The following CLCF1 variants were observed in gnomAD, a reference collection of about 807,000 sequenced individuals.
CLCF1 encodes the protein cardiotrophin-like cytokine factor 1.
CLCF1 carries 10 observed loss-of-function variants against 21.2 expected under a neutral mutation model. The observed-to-expected ratio is 0.47, with a 90% CI of 0.29 to 0.80. CLCF1 has a LOEUF of 0.80. Ranked by LOEUF, CLCF1 falls within the 30% of genes least tolerant of loss-of-function variation. CLCF1 has a pLI of 0.09. For missense variants in CLCF1, 240 were observed against 293.4 expected, an observed-to-expected ratio of 0.82 and a Z score of 1.33; for synonymous variants, 115 against 120.5, an observed-to-expected ratio of 0.95 and a Z score of 0.30.
chr11:67,366,869 C>T (rs1862111149), intron 2 of CLCF1, among the ~76,000 whole-genome samples: 1 of 152,120 alleles, frequency 6.6e-6, no homozygotes. Context: ...TTCCTTCTCT[C>T]CTGGGCTCTC....
chr11:67,364,260 A>G lies in CLCF1; in HGVS notation c.*876T>C, dbSNP rs1406335225. ...TAACATCTCCAAATAAATAAATATT[A>G]ATACAACACACTTAGAGTCATGAGT... On this transcript the variant is annotated 3_prime_UTR_variant, in exon 3 of 3. Coordinates refer to ENST00000312438, the MANE Select transcript of CLCF1 (RefSeq NM_013246.3). The G allele has an allele frequency of 1.3e-5, 2 of 152,606 alleles. No homozygotes were observed. The highest frequency in any genetic ancestry group is 2.9e-5 in the Non-Finnish European group (2 of 68,050). 9.5% of individuals were successfully genotyped at this position (152,606 alleles called of 1,614,324 possible). A position where few individuals can be genotyped will look rare whatever the true frequency, so the allele number is the denominator to read the frequency against.
intron 1 of CLCF1, chr11:67,369,293 A>C (rs1239178659): frequency 1.0e-6 from 1 of 985,246 alleles, no homozygotes; most frequent in Non-Finnish European, 1.2e-6. Context: ...GTGGGGTACC[A>C]CAAGTCACAG....
At chr11:67,367,131 G>A (rs892447741) in intron 2 of CLCF1, among the ~76,000 whole-genome samples, 9 of 143,496 alleles carry the variant, frequency 6.3e-5, no homozygotes, top group East Asian at 4.7e-4. Context: ...ACCCAACCCC[G>A]CCCGCGCAAG....
rs1862269894 is a variant in CLCF1, at chr11:67,372,883, G to A, written c.16+641C>T. Among the ~76,000 whole-genome samples, 1 of 149,478 alleles carries A rather than the reference G, an allele frequency of 6.7e-6. No individual in the cohort carries two copies. Among genetic ancestry groups the A allele is most frequent in the Admixed American group, 6.6e-5 (1 of 15,092 alleles). On this transcript the variant is annotated intron_variant, in intron 1 of 2. Transcript: ENST00000312438. The surrounding 1 kb of genome is among the most constrained non-coding windows in gnomAD (Gnocchi z 5.9). Reference sequence around the variant, plus strand: ...GCCCCTACCTGCCGCCGGCTCCCCGGCCGTGGGCACCATGGAGGGTTCCGG... The same window carrying A: ...GCCCCTACCTGCCGCCGGCTCCCCGACCGTGGGCACCATGGAGGGTTCCGG...
chr11:67,369,659 G>A (rs1590916283), intron 1 of CLCF1: 1 of 985,470 alleles, frequency 1.0e-6, no homozygotes. Context: ...TCAGCATCGA[G>A]TCTGGCTTCA....
rs935110498 is a variant in CLCF1, at chr11:67,365,943, C to A, written c.184-313G>T. Among the ~76,000 whole-genome samples the A allele has an allele frequency of 1.3e-5, 2 of 152,048 alleles. No homozygotes were observed. The highest frequency in any genetic ancestry group is 4.8e-5 in the African/African-American group (2 of 41,400). On this transcript the variant is annotated intron_variant, in intron 2 of 2. Transcript: ENST00000312438. The surrounding 1 kb of genome is among the most constrained non-coding windows in gnomAD (Gnocchi z 5.0). ...GGGTGGGCAAACCTTGGGAGAGTGC[C>A]CGCTGTGGGGGCAGGACAGAGAGGA...
chr11:67,373,465 C>T (rs949023834), intron 1 of CLCF1, 59 bp downstream of exon 1: 30 of 972,610 alleles, frequency 3.1e-5, no homozygotes, highest in Non-Finnish European at 4.3e-5. Context: ...AGGACGGGAA[C>T]CGGATCTCGT....
At position 67,372,153 on chromosome 11, in the gene CLCF1, G is replaced by A. The variant is rs545122696; in HGVS notation, c.16+1371C>T. Among the ~76,000 whole-genome samples the A allele has an allele frequency of 9.9e-5, 15 of 152,206 alleles. No homozygotes were observed. In the East Asian group the frequency reaches 2.5e-3, roughly 26 times the overall value. ...AGTGAAAGCACAGAGGTGTCCCTGG[G>A]TTAGGGTCAGAGAAGGAGGACCCAG... On this transcript the variant is annotated intron_variant, in intron 1 of 2. Coordinates refer to ENST00000312438, the MANE Select transcript of CLCF1 (RefSeq NM_013246.3). The surrounding 1 kb of genome is among the most constrained non-coding windows in gnomAD (Gnocchi z 5.9).
intron 1 of CLCF1, 135 bp from the exon 2 acceptor site, chr11:67,367,761 G>T: frequency 6.6e-7 from 1 of 1,512,798 alleles, no homozygotes; most frequent in Non-Finnish European, 8.8e-7. Context: ...GGAGGCAGAG[G>T]GGATGGAGGA....
intron 1 of CLCF1, chr11:67,371,051 G>A (rs2043427263): frequency 8.1e-6 from 8 of 985,310 alleles, no homozygotes; most frequent in Non-Finnish European, 8.4e-6. Context: ...TGGGTTAGGC[G>A]GGCAGAGTGG....
rs61891586 is a variant in CLCF1, at chr11:67,372,399, G to C, written c.16+1125C>G. Among the ~76,000 whole-genome samples the C allele has an allele frequency of 0.024, 3,716 of 152,148 alleles. 54 individuals carry two copies. The highest frequency in any genetic ancestry group is 0.053 in the East Asian group (273 of 5,132). ...AAAGGAAGGCGGGTGGGGAGAGCAA[G>C]CATGAGGGGACCTCTGGCGAGCCCC... On this transcript the variant is annotated intron_variant, in intron 1 of 2. Coordinates refer to ENST00000312438, the MANE Select transcript of CLCF1 (RefSeq NM_013246.3). The surrounding 1 kb of genome is among the most constrained non-coding windows in gnomAD (Gnocchi z 5.9).
chr11:67,371,248 T>G (rs1046235696), intron 1 of CLCF1: 4 of 225,662 alleles, frequency 1.8e-5, no homozygotes, highest in African/African-American at 9.4e-5. Flanking sequence ...CTTGGTTCCT[T>G]TTACCCCAGG....
At chr11:67,368,166 G>A (rs1274495416) in intron 1 of CLCF1, 4 of 985,284 alleles carry the variant, frequency 4.1e-6, no homozygotes, top group Non-Finnish European at 4.8e-6. Context: ...TAGGAAGCAA[G>A]GTATAGGGTT....
intron 1 of CLCF1, among the ~76,000 whole-genome samples, chr11:67,373,076 G>C (rs1862274188): frequency 6.6e-6 from 1 of 150,496 alleles, no homozygotes; most frequent in South Asian, 2.1e-4. Flanking sequence ...GAGCGGCGCG[G>C]CCCGAGGTGT....
rs190105053 is a variant in CLCF1, at chr11:67,370,349, C to T, written c.17-2723G>A. ...AGGCTCATGTTGTGCAGGTGGACCC[C>T]GGCCACTGGGGCTGTGTCCTAGGTC... On this transcript the variant is annotated intron_variant, in intron 1 of 2. Transcript: ENST00000312438. The T allele has an allele frequency of 1.0e-4, 102 of 985,230 alleles. No individual in the cohort carries two copies. The African/African-American group carries it at 1.4e-3, about 14-fold the overall frequency. The allele number at this position is 985,230 out of a possible 1,614,324, so 61.0% of individuals were successfully genotyped here.
rs530230635 is a variant in CLCF1 at position 67,372,554 on chromosome 11, T to C, written c.16+970A>G. On this transcript the variant is annotated intron_variant, in intron 1 of 2. Transcript: ENST00000312438. The surrounding 1 kb of genome is among the most constrained non-coding windows in gnomAD (Gnocchi z 5.9). The stretch of plus-strand genomic sequence containing the variant: ...CCCTCCCGGCGCTGCGCCTTCCCCC[T>C]GTGTGGCCTCGGCGCCCCCGGCCCC... Among the ~76,000 whole-genome samples the C allele has an allele frequency of 5.9e-4, 89 of 150,254 alleles. No homozygotes were observed. In the South Asian group the frequency reaches 0.01, roughly 17 times the overall value.
upstream of CLCF1, chr11:67,373,704 T>G (rs1481429787): frequency 2.4e-6 from 3 of 1,227,708 alleles, no homozygotes; most frequent in Non-Finnish European, 3.0e-6. Context: ...GTGTGGGACA[T>G]TCTGCAAACT....
At chr11:67,366,189 G>A (rs1862094518) in intron 2 of CLCF1, among the ~76,000 whole-genome samples, 1 of 152,182 alleles carries the variant, frequency 6.6e-6, no homozygotes, top group South Asian at 2.1e-4. Flanking sequence ...AGGGGGTTAA[G>A]AAGTGAGTGG....
At position 67,365,118 on chromosome 11, in the gene CLCF1, AGAG is replaced by A. The variant is rs1862067843; in HGVS notation, c.*15_*17del. On this transcript the variant is annotated 3_prime_UTR_variant, in exon 3 of 3. Coordinates refer to ENST00000312438, the MANE Select transcript of CLCF1 (RefSeq NM_013246.3). The surrounding 1 kb of genome is among the most constrained non-coding windows in gnomAD (Gnocchi z 5.0). ...GGAGCAGGGTTTGAAGGGGGAGCGAAGAGGAGAAGGTCAGAAGTCAGAAGCCAT... is the reference window on the plus strand; with the variant it reads ...GGAGCAGGGTTTGAAGGGGGAGCGAAGAGAAGGTCAGAAGTCAGAAGCCAT... 6.2e-7 allele frequency: 1 copy of A among 1,613,428 alleles called. No homozygotes were observed. The highest frequency in any genetic ancestry group is 1.1e-5 in the South Asian group (1 of 91,060).
Sources: gnomAD v4.1 joint callset for allele counts (sites outside exome capture counted in the v4.1 genomes callset) on GRCh38, gnomAD v4.1.1 for gene constraint, Gnocchi (gnomAD v3.1) non-coding constraint, MANE v1.5 for transcripts, NCBI Gene and HGNC (gene_info 2026-07-23, HGNC 2026-07-21) for gene names.